The following SDK1 variants were observed in gnomAD, a reference collection of about 807,000 sequenced individuals.
The protein encoded by SDK1 is protein sidekick-1.
In SDK1, 157 loss-of-function variants were observed where a neutral mutation model predicts 245.5. The observed-to-expected ratio is 0.64, with a 90% CI of 0.56 to 0.73. The LOEUF (loss-of-function observed/expected upper bound fraction) is 0.73. Among genes scored for constraint, SDK1 ranks in the 30% least tolerant of loss-of-function variants. The pLI, the probability that SDK1 is intolerant of heterozygous loss-of-function variation, is 0.00. For missense variants in SDK1, 3,583 were observed against 3,002.3 expected, an observed-to-expected ratio of 1.19 and a Z score of -4.52; for synonymous variants, 1,647 against 1,278.5, an observed-to-expected ratio of 1.29 and a Z score of -6.15.
intron 5 of SDK1, among the ~76,000 whole-genome samples, chr7:3,889,160 A>G (rs538555094): frequency 7.9e-5 from 12 of 152,352 alleles, no homozygotes; most frequent in African/African-American, 1.7e-4. Context: ...TATCTAATCA[A>G]TGCCTCTGAG....
intron 4 of SDK1, among the ~76,000 whole-genome samples, chr7:3,777,430 G>A (rs1038943181): frequency 1.3e-5 from 2 of 152,182 alleles, no homozygotes; most frequent in Non-Finnish European, 2.9e-5. Flanking sequence ...CGTCAGGGCC[G>A]GTAGGATGGT....
At chr7:4,127,844 G>A (rs1422904582) in intron 26 of SDK1, among the ~76,000 whole-genome samples, 15 of 152,224 alleles carry the variant, frequency 9.9e-5, no homozygotes, top group Admixed American at 7.2e-4. Flanking sequence ...CTTGTAAAAC[G>A]GGAATAACGA....
intron 1 of SDK1, among the ~76,000 whole-genome samples, chr7:3,497,111 C>T (rs1379474378): frequency 6.6e-6 from 1 of 152,158 alleles, no homozygotes; most frequent in East Asian, 1.9e-4. Context: ...CAAGACAGTG[C>T]TTATTGCCAC....
intron 4 of SDK1, among the ~76,000 whole-genome samples, chr7:3,703,681 T>A (rs1784805287): frequency 6.6e-6 from 1 of 152,214 alleles, no homozygotes; most frequent in South Asian, 2.1e-4. Flanking sequence ...CGCCTGATTT[T>A]CTCTGTTCTA....
intron 5 of SDK1, among the ~76,000 whole-genome samples, chr7:3,830,839 T>G (rs928652956): frequency 2.6e-5 from 4 of 152,168 alleles, no homozygotes; most frequent in African/African-American, 9.7e-5. Flanking sequence ...TTTCTTAGAC[T>G]TAGCCAGCAG....
intron 1 of SDK1, among the ~76,000 whole-genome samples, chr7:3,584,945 CG>C (rs1239536772): frequency 1.3e-5 from 2 of 151,964 alleles, no homozygotes; most frequent in Non-Finnish European, 2.9e-5. Flanking sequence ...AGGATGGTCC[CG>C]ATCTCCTGAC....
chr7:3,433,100 C>G (rs990811163), intron 1 of SDK1, among the ~76,000 whole-genome samples: 5 of 152,162 alleles, frequency 3.3e-5, no homozygotes, highest in African/African-American at 9.7e-5. Flanking sequence ...CCCAGAGATT[C>G]CAGTCAACAT....
intron 1 of SDK1, among the ~76,000 whole-genome samples, chr7:3,413,937 C>A (rs1392511986): frequency 6.6e-6 from 1 of 152,090 alleles, no homozygotes; most frequent in East Asian, 1.9e-4. Context: ...TGCACCATTG[C>A]ACTTAAGCCT....
At chr7:3,657,168 G>A (rs1329014113) in intron 4 of SDK1, among the ~76,000 whole-genome samples, 1 of 152,164 alleles carries the variant, frequency 6.6e-6, no homozygotes, top group South Asian at 2.1e-4. Flanking sequence ...AGAGTCACAG[G>A]GTGTGTGTCC....
At chr7:3,737,719 C>T (rs551073026) in intron 4 of SDK1, among the ~76,000 whole-genome samples, 1 of 152,274 alleles carries the variant, frequency 6.6e-6, no homozygotes, top group Admixed American at 6.5e-5. Context: ...TCTTATTTTC[C>T]CAGTGTTCCT....
intron 4 of SDK1, among the ~76,000 whole-genome samples, chr7:3,733,697 A>G (rs1008251695): frequency 5.3e-5 from 8 of 152,310 alleles, no homozygotes; most frequent in African/African-American, 1.9e-4. Flanking sequence ...ACACAGATGT[A>G]TGAAATAAAG....
rs578137182 is a variant in SDK1, at chr7:4,190,936, C to A, written c.5098+12350C>A. Among the ~76,000 whole-genome samples the A allele has an allele frequency of 1.1e-3, 164 of 152,322 alleles. 1 individual carries two copies. Among genetic ancestry groups the A allele is most frequent in the African/African-American group, 3.8e-3 (160 of 41,564 alleles). On this transcript the variant is annotated intron_variant, in intron 35 of 44. Coordinates refer to ENST00000404826, the MANE Select transcript of SDK1 (RefSeq NM_152744.4). Reference sequence around the variant, plus strand: ...CGGGGAGGCTCCTTGCCCACAGGTGCGAGCCTAGCCAGGCTTCTCTGGGCG... The same window carrying A: ...CGGGGAGGCTCCTTGCCCACAGGTGAGAGCCTAGCCAGGCTTCTCTGGGCG...
intron 1 of SDK1, among the ~76,000 whole-genome samples, chr7:3,401,418 A>G (rs188128291): frequency 1.1e-4 from 16 of 152,272 alleles, no homozygotes; most frequent in Non-Finnish European, 1.0e-4. Flanking sequence ...TGGGTAATAT[A>G]TTTTATTCAA....
intron 4 of SDK1, among the ~76,000 whole-genome samples, chr7:3,719,791 A>C (rs1312262855): frequency 6.6e-6 from 1 of 152,082 alleles, no homozygotes; most frequent in Non-Finnish European, 1.5e-5. Flanking sequence ...ATCCTGGCCA[A>C]CATGGTGAAA....
chr7:4,157,776 C>T (rs1780860015), intron 30 of SDK1, among the ~76,000 whole-genome samples: 1 of 152,098 alleles, frequency 6.6e-6, no homozygotes, highest in African/African-American at 2.4e-5. Context: ...TCTCCCAGAG[C>T]TCGTGTGAGT....
chr7:3,305,801 T>G (rs1401712024), intron 1 of SDK1, among the ~76,000 whole-genome samples: 1 of 147,212 alleles, frequency 6.8e-6, no homozygotes, highest in East Asian at 1.9e-4. Context: ...CTCTATGCAG[T>G]CTGCATAGCC....
chr7:3,325,076 C>G (rs1052194214), intron 1 of SDK1, among the ~76,000 whole-genome samples: 1 of 151,928 alleles, frequency 6.6e-6, no homozygotes, highest in South Asian at 2.1e-4. Context: ...ATCCTAGGTT[C>G]CTTGGGAAGA....
chr7:4,092,024 A>G (rs1479648993), intron 22 of SDK1, among the ~76,000 whole-genome samples: 2 of 152,128 alleles, frequency 1.3e-5, no homozygotes. Flanking sequence ...GCGTGTAGAC[A>G]CAAGCAGCAC....
intron 4 of SDK1, among the ~76,000 whole-genome samples, chr7:3,650,717 C>T (rs1236965040): frequency 6.6e-6 from 1 of 152,126 alleles, no homozygotes; most frequent in Non-Finnish European, 1.5e-5. Flanking sequence ...TGCCCTCATC[C>T]CCTTCTTAAG....
Sources: gnomAD v4.1 joint callset for allele counts (sites outside exome capture counted in the v4.1 genomes callset) on GRCh38, gnomAD v4.1.1 for gene constraint, MANE v1.5 for transcripts, NCBI Gene and HGNC (gene_info 2026-07-23, HGNC 2026-07-21) for gene names.